The following RBM33 variants were observed in gnomAD, a reference collection of about 807,000 sequenced individuals.
RBM33 encodes RNA-binding protein 33.
RBM33 carries 28 observed loss-of-function variants against 132.6 expected under a neutral mutation model. That is an observed-to-expected ratio of 0.21 (90% CI 0.16 to 0.29). The LOEUF is 0.29. RBM33 is among the 10% of genes least tolerant of loss of function. The pLI is 1.00. For synonymous variants in RBM33, 634 were observed against 593.0 expected, an observed-to-expected ratio of 1.07 and a Z score of -1.01; for missense variants, 1,291 against 1,518.5, an observed-to-expected ratio of 0.85 and a Z score of 2.49.
At chr7:155,658,879 A>G (rs1049103458) in intron 1 of RBM33, among the ~76,000 whole-genome samples, 3 of 152,148 alleles carry the variant, frequency 2.0e-5, no homozygotes, top group African/African-American at 7.2e-5. Flanking sequence ...GCTGGTACAG[A>G]GGCTCTCTCT....
intron 14 of RBM33, among the ~76,000 whole-genome samples, chr7:155,747,665 A>G (rs1801559743): frequency 6.6e-6 from 1 of 152,252 alleles, no homozygotes; most frequent in Admixed American, 6.5e-5. Flanking sequence ...TTTTCATGAA[A>G]ATAGCTGTCA....
intron 5 of RBM33, among the ~76,000 whole-genome samples, chr7:155,699,612 G>T (rs1015197181): frequency 6.6e-6 from 1 of 152,156 alleles, no homozygotes; most frequent in African/African-American, 2.4e-5. Context: ...TGGGGGTATT[G>T]TAATTGTCAG....
intron 14 of RBM33, among the ~76,000 whole-genome samples, chr7:155,758,799 C>G (rs891568372): frequency 1.3e-5 from 2 of 152,134 alleles, no homozygotes; most frequent in African/African-American, 4.8e-5. Context: ...GTCTGCCTGC[C>G]CTGAGGACAC....
At chr7:155,690,895 T>G (rs530997035) in intron 5 of RBM33, among the ~76,000 whole-genome samples, 2 of 152,326 alleles carry the variant, frequency 1.3e-5, no homozygotes, top group African/African-American at 4.8e-5. Context: ...CTGGCTACCC[T>G]TAATATTTTT....
chr7:155,720,606 A>G (rs1173198165), intron 9 of RBM33, among the ~76,000 whole-genome samples: 2 of 152,334 alleles, frequency 1.3e-5, no homozygotes, highest in East Asian at 3.9e-4. Flanking sequence ...AGTGCTCTGC[A>G]TAGTGCTGTC....
chr7:155,742,053 A>G lies in RBM33; in HGVS notation c.2284A>G (p.Lys762Glu). The change falls in exon 13 of 18, where the codon AAG becomes GAG. Residue 762 changes from lysine to glutamate, a missense_variant. By Grantham distance (56) the Lys-to-Glu change is moderately conservative. This residue lies in a region of RBM33 where 841 missense variants were observed against 912.0 expected (regional missense o/e 0.92). Transcript: ENST00000401878. ...SSQGKTEVKVKPASPVAQPKE... is the reference protein window; with the variant it reads ...SSQGKTEVKVEPASPVAQPKE... ...ACAGGGAAAGACGGAAGTGAAAGTC[A>G]AGCCAGCTAGCCCTGTGGCTCAACC... 6.2e-7 allele frequency: 1 copy of G among 1,614,012 alleles called. No individual in the cohort carries two copies. Among genetic ancestry groups the G allele is most frequent in the East Asian group, 2.2e-5 (1 of 44,882 alleles).
At chr7:155,741,090 A>G (rs1801316987) in intron 12 of RBM33, among the ~76,000 whole-genome samples, 1 of 152,216 alleles carries the variant, frequency 6.6e-6, no homozygotes, top group Non-Finnish European at 1.5e-5. Context: ...CAGTAAGAAA[A>G]GATTTCTAAA....
intron 15 of RBM33, 26 bp downstream of exon 15, chr7:155,764,044 C>T: frequency 6.7e-7 from 1 of 1,485,156 alleles, no homozygotes; most frequent in Non-Finnish European, 9.0e-7. Flanking sequence ...TCGCACGCAG[C>T]CCTGGAAACG....
At chr7:155,727,518 A>G (rs185768449) in intron 9 of RBM33, among the ~76,000 whole-genome samples, 1 of 152,208 alleles carries the variant, frequency 6.6e-6, no homozygotes, top group African/African-American at 2.4e-5. Flanking sequence ...ACTTGTGTGC[A>G]AAACAAAACA....
At chr7:155,756,887 T>C (rs1380431676) in intron 14 of RBM33, among the ~76,000 whole-genome samples, 1 of 152,136 alleles carries the variant, frequency 6.6e-6, no homozygotes, top group Non-Finnish European at 1.5e-5. Flanking sequence ...TTCCCCAGCA[T>C]GGCTGTTGTA....
intron 6 of RBM33, chr7:155,701,374 C>CT (rs571839064): frequency 1.6e-3 from 305 of 191,992 alleles, no homozygotes; most frequent in Admixed American, 3.2e-3. Context: ...ATAGCTATAT[C>CT]TTTTTTTGTG....
intron 6 of RBM33, among the ~76,000 whole-genome samples, chr7:155,705,907 C>CT (rs2116967192): frequency 6.6e-6 from 1 of 152,286 alleles, no homozygotes; most frequent in Non-Finnish European, 1.5e-5. Context: ...TTTGGCTTCT[C>CT]TGTCAGTCTG....
At chr7:155,688,577 A>G (rs924827136) in intron 5 of RBM33, among the ~76,000 whole-genome samples, 4 of 152,170 alleles carry the variant, frequency 2.6e-5, no homozygotes, top group Non-Finnish European at 5.9e-5. Context: ...GAATGCTTCC[A>G]GTTTTTGCCC....
chr7:155,675,616 G>C (rs950835636), intron 3 of RBM33, among the ~76,000 whole-genome samples: 1 of 152,106 alleles, frequency 6.6e-6, no homozygotes, highest in East Asian at 1.9e-4. Context: ...GTTAAAGGCT[G>C]TTTTGCTTCC....
intron 3 of RBM33, 102 bp downstream of exon 3, chr7:155,673,017 G>T: frequency 2.9e-6 from 2 of 677,978 alleles, no homozygotes; most frequent in East Asian, 3.3e-5. Context: ...TGGAAAGTTG[G>T]GTATAGATTA....
rs547174565 is a variant in RBM33, at chr7:155,775,188, C to T, written c.*147C>T. The T allele has an allele frequency of 1.2e-5, 9 of 757,068 alleles. No homozygotes were observed. Among genetic ancestry groups the T allele is most frequent in the Admixed American group, 2.0e-5 (1 of 50,294 alleles). 46.9% of individuals were successfully genotyped at this position (757,068 alleles called of 1,614,324 possible). Reference sequence around the variant, plus strand: ...TGTTCTCCAGAGCGCCAGCCAGCCACGGGCCTGATTCCAGAGGAGCCGAAC... The same window carrying T: ...TGTTCTCCAGAGCGCCAGCCAGCCATGGGCCTGATTCCAGAGGAGCCGAAC... On this transcript the variant is annotated 3_prime_UTR_variant, in exon 18 of 18. Transcript: ENST00000401878.
At chr7:155,731,740 A>G (rs1179866623) in intron 9 of RBM33, among the ~76,000 whole-genome samples, 1 of 152,208 alleles carries the variant, frequency 6.6e-6, no homozygotes, top group Non-Finnish European at 1.5e-5. Flanking sequence ...ATGGTGGGTA[A>G]CTCAACCCCA....
At chr7:155,708,790 C>T (rs989368088) in intron 7 of RBM33, among the ~76,000 whole-genome samples, 2 of 152,178 alleles carry the variant, frequency 1.3e-5, no homozygotes, top group African/African-American at 4.8e-5. Context: ...GCTCCAACTG[C>T]GTTCTGTTAC....
intron 3 of RBM33, among the ~76,000 whole-genome samples, chr7:155,676,453 A>G (rs1008604657): frequency 1.3e-5 from 2 of 152,070 alleles, no homozygotes; most frequent in African/African-American, 4.8e-5. Flanking sequence ...TGTGTTGGAG[A>G]ATGTTTTGGG....
Sources: allele counts gnomAD v4.1 joint callset (sites outside exome capture counted in the v4.1 genomes callset), GRCh38; gene constraint gnomAD v4.1.1; regional missense constraint gnomAD v4.1.1; transcripts MANE v1.5; gene names NCBI Gene and HGNC (gene_info 2026-07-23, HGNC 2026-07-21).